FER: variants seen among roughly 807,000 people sequenced by gnomAD.
The protein encoded by FER is tyrosine-protein kinase Fer.
In FER, 63 loss-of-function variants were observed where a neutral mutation model predicts 111.0. The ratio of observed to expected loss-of-function variants is 0.57; its 90% CI spans 0.46 to 0.70. The LOEUF (loss-of-function observed/expected upper bound fraction) is 0.70. Among genes scored for constraint, FER ranks in the 30% least tolerant of loss-of-function variants. The pLI is 0.00. For missense variants in FER, 914 were observed against 954.0 expected (o/e 0.96, Z 0.55); for synonymous variants, 327 against 313.9 (o/e 1.04, Z -0.44).
intron 13 of FER, among the ~76,000 whole-genome samples, chr5:108,990,774 TC>T (rs895122935): frequency 4.0e-5 from 6 of 151,726 alleles, no homozygotes; most frequent in African/African-American, 1.4e-4. Context: ...TTTATTAACA[TC>T]TTTAAAATGA....
intron 13 of FER, among the ~76,000 whole-genome samples, chr5:108,982,647 T>C (rs1762131431): frequency 6.6e-6 from 1 of 152,112 alleles, no homozygotes; most frequent in African/African-American, 2.4e-5. Flanking sequence ...TGAAGTGATT[T>C]GAAACAGTAA....
chr5:108,899,293 A>G (rs1164410593), intron 10 of FER, among the ~76,000 whole-genome samples: 5 of 152,186 alleles, frequency 3.3e-5, no homozygotes, highest in Non-Finnish European at 5.9e-5. Context: ...TGTCCTAGCT[A>G]TAAGGATCTC....
At chr5:109,123,673 A>G (rs1470785986) in intron 17 of FER, among the ~76,000 whole-genome samples, 2 of 152,222 alleles carry the variant, frequency 1.3e-5, no homozygotes, top group East Asian at 3.8e-4. Flanking sequence ...AAACTAATAA[A>G]GATTCTATAC....
intron 16 of FER, among the ~76,000 whole-genome samples, chr5:109,072,316 A>G (rs1036015971): frequency 6.6e-6 from 1 of 151,358 alleles, no homozygotes; most frequent in African/African-American, 2.4e-5. Flanking sequence ...TAGTCTATCT[A>G]ATGTATTAGG....
At chr5:109,121,438 A>G (rs1174926192) in intron 17 of FER, among the ~76,000 whole-genome samples, 1 of 152,174 alleles carries the variant, frequency 6.6e-6, no homozygotes, top group African/African-American at 2.4e-5. Flanking sequence ...TCACCTTGGG[A>G]TAAATCCCAC....
At chr5:108,786,134 T>C (rs560626774) in intron 2 of FER, among the ~76,000 whole-genome samples, 1 of 152,364 alleles carries the variant, frequency 6.6e-6, no homozygotes, top group African/African-American at 2.4e-5. Flanking sequence ...TACTCACTTT[T>C]AAAAGAGTTC....
At chr5:109,056,568 A>G (rs547855045) in intron 16 of FER, among the ~76,000 whole-genome samples, 4 of 152,302 alleles carry the variant, frequency 2.6e-5, no homozygotes, top group African/African-American at 9.6e-5. Flanking sequence ...GAGGGCAGGA[A>G]CAGAGGAAAT....
intron 10 of FER, among the ~76,000 whole-genome samples, chr5:108,943,119 A>G (rs1756492250): frequency 6.6e-6 from 1 of 152,078 alleles, no homozygotes; most frequent in South Asian, 2.1e-4. Context: ...CAGCCTTCTC[A>G]TTGGTTCATA....
chr5:108,947,889 T>G (rs927304738), intron 11 of FER, among the ~76,000 whole-genome samples: 1 of 151,642 alleles, frequency 6.6e-6, no homozygotes, highest in Non-Finnish European at 1.5e-5. Context: ...ATTTATTTAT[T>G]TAATTTATTT....
At chr5:109,146,767 G>C (rs1269999259) in intron 17 of FER, among the ~76,000 whole-genome samples, 1 of 151,962 alleles carries the variant, frequency 6.6e-6, no homozygotes, top group Non-Finnish European at 1.5e-5. Context: ...GAACCACAGA[G>C]GTTAATATGT....
chr5:109,165,652 A>G (rs891394752), intron 17 of FER, among the ~76,000 whole-genome samples: 2 of 151,596 alleles, frequency 1.3e-5, no homozygotes, highest in Non-Finnish European at 2.9e-5. Context: ...ACACACATAT[A>G]TATCACAGAC....
rs532856883 is a variant in FER at position 109,135,646 on chromosome 5, A to G, written c.2048+35127A>G. 2.0e-5 allele frequency among the ~76,000 whole-genome samples: 3 copies of G among 151,936 alleles called. No homozygotes were observed. The South Asian group carries it at 6.3e-4, about 32-fold the overall frequency. ...ACTATAGCCTCCCCAACTCACCAAA[A>G]CTCTCTAAAAACAAGGACCACTATT... On this transcript the variant is annotated intron_variant, in intron 17 of 19. Transcript: ENST00000281092.
At chr5:108,827,383 A>G (rs1203321100) in intron 3 of FER, among the ~76,000 whole-genome samples, 1 of 152,174 alleles carries the variant, frequency 6.6e-6, no homozygotes, top group Non-Finnish European at 1.5e-5. Context: ...TCCGTACCCT[A>G]TATCTTGAAG....
At chr5:109,185,149 A>C (rs904357610) in intron 18 of FER, among the ~76,000 whole-genome samples, 2 of 152,176 alleles carry the variant, frequency 1.3e-5, no homozygotes, top group South Asian at 2.1e-4. Context: ...GTCCATCTCC[A>C]GAAGACAACC....
intron 9 of FER, among the ~76,000 whole-genome samples, chr5:108,892,035 T>C (rs1247228165): frequency 6.6e-6 from 1 of 152,198 alleles, no homozygotes; most frequent in Non-Finnish European, 1.5e-5. Flanking sequence ...ATGGTGTATA[T>C]GTGCCACATT....
chr5:108,781,315 C>G (rs925551336), intron 2 of FER, among the ~76,000 whole-genome samples: 3 of 152,074 alleles, frequency 2.0e-5, no homozygotes, highest in African/African-American at 4.8e-5. Flanking sequence ...CTCAGCCTCC[C>G]AAGTAGCTAG....
In FER at chr5:109,166,171, A is replaced by G. The variant is rs1185949247; in HGVS notation, c.2049-14576A>G. Among the ~76,000 whole-genome samples the G allele has an allele frequency of 2.6e-5, 4 of 151,856 alleles. No individual in the cohort carries two copies. The East Asian group carries it at 7.7e-4, about 29-fold the overall frequency. On this transcript the variant is annotated intron_variant, in intron 17 of 19. Transcript: ENST00000281092. ...CATTTTCTCATGTTAGCCTAGCCAT[A>G]GGGTTTCCATCTTGTCTGTCTGTCT...
At chr5:109,149,230 AG>A (rs773934417) in intron 17 of FER, among the ~76,000 whole-genome samples, 1 of 152,190 alleles carries the variant, frequency 6.6e-6, no homozygotes, top group Non-Finnish European at 1.5e-5. Context: ...TAAATGTAAA[AG>A]GTCTCTCACA....
At position 109,014,268 on chromosome 5, in the gene FER, C is replaced by A. The variant is rs1307883623; in HGVS notation, c.1657-23154C>A. On this transcript the variant is annotated intron_variant, in intron 13 of 19. Transcript: ENST00000281092. ...TTGAATTAATTTTTGTATGAGGTGT[C>A]AGGAAGGGATCCAGTTTCAGCTTTC... Among the ~76,000 whole-genome samples, 130 of 152,078 alleles carry A rather than the reference C, an allele frequency of 8.5e-4. 1 individual carries two copies. The highest frequency in any genetic ancestry group is 2.9e-3 in the African/African-American group (120 of 41,474).
Sources: allele counts gnomAD v4.1 joint callset (sites outside exome capture counted in the v4.1 genomes callset), GRCh38; gene constraint gnomAD v4.1.1; transcripts MANE v1.5; gene names NCBI Gene and HGNC (gene_info 2026-07-23, HGNC 2026-07-21).